The following LRRC8D variants were observed in gnomAD, a reference collection of about 807,000 sequenced individuals.
The protein encoded by LRRC8D is leucine rich repeat containing 8 VRAC subunit D.
Under a neutral mutation model 55.8 loss-of-function variants are expected in LRRC8D, and 20 were observed. The ratio of observed to expected loss-of-function variants is 0.36; its 90% CI spans 0.25 to 0.52. LRRC8D has a LOEUF of 0.52. Ranked by LOEUF, LRRC8D falls within the 20% of genes least tolerant of loss-of-function variation. LRRC8D has a pLI of 0.93. For missense variants in LRRC8D, 651 were observed against 1,030.8 expected (o/e 0.63, Z 5.05); for synonymous variants, 352 against 377.0 (o/e 0.93, Z 0.77).
intron 2 of LRRC8D, among the ~76,000 whole-genome samples, chr1:89,905,474 G>A (rs533523187): frequency 1.3e-5 from 2 of 152,262 alleles, no homozygotes; most frequent in East Asian, 1.9e-4. Flanking sequence ...AAAGCTGTGA[G>A]CTATACAAAG....
chr1:89,925,508 C>A (rs975174103), intron 2 of LRRC8D, among the ~76,000 whole-genome samples: 1 of 152,100 alleles, frequency 6.6e-6, no homozygotes, highest in Non-Finnish European at 1.5e-5. Context: ...GGACTGCTGA[C>A]CTTGGTGATG....
At chr1:89,902,149 A>G (rs1662874109) in intron 2 of LRRC8D, among the ~76,000 whole-genome samples, 1 of 152,276 alleles carries the variant, frequency 6.6e-6, no homozygotes, top group Non-Finnish European at 1.5e-5. Context: ...TGTTTTCTCC[A>G]CAACAATTAA....
intron 2 of LRRC8D, among the ~76,000 whole-genome samples, chr1:89,892,277 A>G (rs572507668): frequency 1.5e-4 from 23 of 152,296 alleles, no homozygotes; most frequent in African/African-American, 5.3e-4. Flanking sequence ...CCTGTTAAAT[A>G]TCATCTTGTT....
chr1:89,893,932 T>C (rs1662639567), intron 2 of LRRC8D, among the ~76,000 whole-genome samples: 1 of 152,234 alleles, frequency 6.6e-6, no homozygotes, highest in African/African-American at 2.4e-5. Context: ...ACCTGATAAC[T>C]CTCATTAGAG....
At chr1:89,885,997 A>T (rs2100862753) in intron 2 of LRRC8D, among the ~76,000 whole-genome samples, 1 of 152,300 alleles carries the variant, frequency 6.6e-6, no homozygotes, top group East Asian at 1.9e-4. Flanking sequence ...GAGATGCTTT[A>T]CCTCACTTAC....
chr1:89,914,849 T>C (rs1663221623), intron 2 of LRRC8D, among the ~76,000 whole-genome samples: 1 of 152,048 alleles, frequency 6.6e-6, no homozygotes, highest in East Asian at 1.9e-4. Flanking sequence ...CAGGCGTGAG[T>C]CACTGCACGG....
intron 2 of LRRC8D, among the ~76,000 whole-genome samples, chr1:89,873,599 T>G (rs1662076176): frequency 6.6e-6 from 1 of 152,196 alleles, no homozygotes; most frequent in Non-Finnish European, 1.5e-5. Flanking sequence ...GGTGTTATCA[T>G]CAAAAACTAA....
In LRRC8D at chr1:89,911,209, AT is replaced by A. The variant is rs1278967343; in HGVS notation, c.-2-21856del. On this transcript the variant is annotated intron_variant, in intron 2 of 2. Transcript: ENST00000337338. The surrounding 1 kb of genome is among the most constrained non-coding windows in gnomAD (Gnocchi z 4.0). Reference sequence around the variant, plus strand: ...TTTTTTTAGTTATATAGTTTGTGGAATTATTTTGCAAGTTACCTTTTTCCCT... The same window carrying A: ...TTTTTTTAGTTATATAGTTTGTGGAATATTTTGCAAGTTACCTTTTTCCCT... Among the ~76,000 whole-genome samples the A allele has an allele frequency of 6.6e-6, 1 of 151,628 alleles. No homozygotes were observed. Among genetic ancestry groups the A allele is most frequent in the Non-Finnish European group, 1.5e-5 (1 of 67,942 alleles).
At chr1:89,855,980 C>T (rs1484291292) in intron 2 of LRRC8D, among the ~76,000 whole-genome samples, 1 of 151,522 alleles carries the variant, frequency 6.6e-6, no homozygotes, top group Non-Finnish European at 1.5e-5. Flanking sequence ...TGTTTTGTTG[C>T]CTGTGGCATC....
chr1:89,843,453 TCGGCACCA>T (rs1557446003), intron 1 of LRRC8D, 177 bp from the exon 2 acceptor site: 1 of 412,836 alleles, frequency 2.4e-6, no homozygotes. Context: ...CCGCGCCACC[TCGGCACCA>T]CGCGGGCAGC....
chr1:89,886,682 C>G (rs140565835), intron 2 of LRRC8D, among the ~76,000 whole-genome samples: 7 of 152,052 alleles, frequency 4.6e-5, no homozygotes, highest in Non-Finnish European at 8.8e-5. Context: ...TTTAATAAAA[C>G]GGAAATATGC....
chr1:89,889,095 A>G (rs1376470582), intron 2 of LRRC8D, among the ~76,000 whole-genome samples: 1 of 152,178 alleles, frequency 6.6e-6, no homozygotes, highest in African/African-American at 2.4e-5. Context: ...CTGGTGAGCA[A>G]GGTTAACATC....
chr1:89,861,593 C>G (rs1402221568), intron 2 of LRRC8D, among the ~76,000 whole-genome samples: 3 of 152,214 alleles, frequency 2.0e-5, no homozygotes, highest in Non-Finnish European at 4.4e-5. Flanking sequence ...CATATCTGGA[C>G]AAGTCAGCGA....
At chr1:89,836,026 G>A (rs1557442535) in intron 1 of LRRC8D, among the ~76,000 whole-genome samples, 2 of 152,190 alleles carry the variant, frequency 1.3e-5, no homozygotes, top group African/African-American at 2.4e-5. Flanking sequence ...GAACAAGCCT[G>A]CTAGGACATA....
At chr1:89,893,401 G>A (rs969614355) in intron 2 of LRRC8D, among the ~76,000 whole-genome samples, 1 of 152,136 alleles carries the variant, frequency 6.6e-6, no homozygotes, top group Admixed American at 6.5e-5. Flanking sequence ...TTCCTAGAAA[G>A]CATCTAACTT....
At chr1:89,865,671 G>A (rs1463576458) in intron 2 of LRRC8D, among the ~76,000 whole-genome samples, 24 of 152,062 alleles carry the variant, frequency 1.6e-4, no homozygotes, top group Admixed American at 1.6e-3. Flanking sequence ...TTATCAGATC[G>A]TAAATCTGCC....
chr1:89,927,832 C>T (rs929416582), intron 2 of LRRC8D, among the ~76,000 whole-genome samples: 1 of 152,182 alleles, frequency 6.6e-6, no homozygotes, highest in African/African-American at 2.4e-5. Flanking sequence ...CAGGAATGTG[C>T]TCTCTATAAA....
intron 1 of LRRC8D, among the ~76,000 whole-genome samples, chr1:89,832,059 T>C (rs971913010): frequency 6.6e-6 from 1 of 152,194 alleles, no homozygotes; most frequent in Non-Finnish European, 1.5e-5. Context: ...GCCGGGAGGA[T>C]ATTGTCTACT....
chr1:89,896,863 A>C (rs1305452701), intron 2 of LRRC8D, among the ~76,000 whole-genome samples: 2 of 152,160 alleles, frequency 1.3e-5, no homozygotes, highest in African/African-American at 4.8e-5. Flanking sequence ...CATATTCTCA[A>C]AAAAAATTAC....
Sources: gnomAD v4.1 joint callset for allele counts (sites outside exome capture counted in the v4.1 genomes callset) on GRCh38, gnomAD v4.1.1 for gene constraint, Gnocchi (gnomAD v3.1) non-coding constraint, MANE v1.5 for transcripts, NCBI Gene and HGNC (gene_info 2026-07-23, HGNC 2026-07-21) for gene names.